The following IL1RAPL2 variants were observed in gnomAD, a reference collection of about 807,000 sequenced individuals.
The protein encoded by IL1RAPL2 is interleukin 1 receptor accessory protein like 2.
A neutral mutation model predicts 44.1 loss-of-function variants in IL1RAPL2; 3 were observed. That is an observed-to-expected ratio of 0.07 (90% CI 0.03 to 0.18). The LOEUF (loss-of-function observed/expected upper bound fraction) is 0.18. Ranked by LOEUF, IL1RAPL2 falls within the 10% of genes least tolerant of loss-of-function variation. IL1RAPL2 has a pLI of 1.00. For synonymous variants in IL1RAPL2, 181 were observed against 178.8 expected (o/e 1.01, Z -0.10); for missense variants, 391 against 496.4 (o/e 0.79, Z 2.02).
chrX:104,629,770 A>G (rs977541948), intron 1 of IL1RAPL2, among the ~76,000 whole-genome samples: 2 of 111,620 alleles, frequency 1.8e-5, no homozygotes, highest in Admixed American at 9.6e-5. Context: ...TCCCAGCACC[A>G]TATATTGAAG....
intron 2 of IL1RAPL2, among the ~76,000 whole-genome samples, chrX:105,024,531 A>G (rs1303504391): frequency 8.9e-6 from 1 of 111,733 alleles, no homozygotes; most frequent in Non-Finnish European, 1.9e-5. Context: ...AGAGGTTCAG[A>G]AACAGGTGAG....
rs994063171 is a variant in IL1RAPL2 at position 104,628,482 on chromosome X, C to T, written c.-19-30413C>T. Among the ~76,000 whole-genome samples the T allele has an allele frequency of 2.5e-4, 28 of 111,614 alleles. 1 individual carries two copies. Among genetic ancestry groups the T allele is most frequent in the Non-Finnish European group, 7.5e-5 (4 of 53,188 alleles). On this transcript the variant is annotated intron_variant, in intron 1 of 10. Transcript: ENST00000372582. ...GTGCCTGGCTTATTTAACTTAATGA[C>T]CTCACATTCCATCCATGTTGCTGCA...
intron 5 of IL1RAPL2, among the ~76,000 whole-genome samples, chrX:105,441,247 A>C (rs1190526147): frequency 8.9e-6 from 1 of 111,902 alleles, no homozygotes; most frequent in African/African-American, 3.3e-5. Context: ...AGAAGAAATG[A>C]TATTAACTAA....
intron 5 of IL1RAPL2, among the ~76,000 whole-genome samples, chrX:105,453,318 A>G (rs1157722978): frequency 1.8e-5 from 2 of 112,202 alleles, no homozygotes; most frequent in Non-Finnish European, 3.8e-5. Context: ...TTTTAGTCAT[A>G]TTCTCCCATG....
At chrX:105,221,419 A>G (rs868935331) in intron 3 of IL1RAPL2, among the ~76,000 whole-genome samples, 33 of 111,132 alleles carry the variant, frequency 3.0e-4, no homozygotes, top group Admixed American at 2.6e-3. Flanking sequence ...ACCAAAAAAA[A>G]AAAAAAAGAA....
Position 105,406,295 on chromosome X carries a change from C to G in IL1RAPL2, c.698-78018C>G. 3 of 1,036,472 alleles carry G rather than the reference C, an allele frequency of 2.9e-6. No homozygotes were observed. In the Admixed American group the frequency reaches 6.6e-5, roughly 23 times the overall value. The allele number at this position is 1,036,472 out of a possible 1,213,427, so 85.4% of individuals were successfully genotyped here. A position where few individuals can be genotyped will look rare whatever the true frequency, so the allele number is the denominator to read the frequency against. On this transcript the variant is annotated intron_variant, in intron 5 of 10. Coordinates refer to ENST00000372582, the MANE Select transcript of IL1RAPL2 (RefSeq NM_017416.2). ...TCATAGAGGCGCTTTCTTAATTGAC[C>G]GAAGTCCTGAGTACTTTGAACCCAT...
At chrX:105,166,432 A>G (rs370767026) in intron 2 of IL1RAPL2, among the ~76,000 whole-genome samples, 2 of 112,285 alleles carry the variant, frequency 1.8e-5, no homozygotes, top group East Asian at 5.6e-4. Context: ...AGCTTCATAT[A>G]CCTGCAAGAG....
intron 1 of IL1RAPL2, among the ~76,000 whole-genome samples, chrX:104,583,613 T>C: frequency 8.9e-6 from 1 of 112,279 alleles, no homozygotes; most frequent in East Asian, 2.8e-4. Flanking sequence ...TTTCATAGTA[T>C]CTATATATCA....
chrX:104,598,979 A>G (rs1928820660), intron 1 of IL1RAPL2, among the ~76,000 whole-genome samples: 2 of 112,393 alleles, frequency 1.8e-5, no homozygotes, highest in African/African-American at 6.5e-5. Flanking sequence ...GGCTGAGGTA[A>G]TAGTGAGTAA....
At chrX:105,088,612 GT>G (rs1272020403) in intron 2 of IL1RAPL2, among the ~76,000 whole-genome samples, 1 of 110,460 alleles carries the variant, frequency 9.1e-6, no homozygotes, top group Admixed American at 9.7e-5. Flanking sequence ...AATTGCTTTG[GT>G]TTTTTTCTAT....
Position 104,777,626 on chromosome X carries a change from G to T in IL1RAPL2, c.82+118631G>T, listed in dbSNP as rs193023708. Among the ~76,000 whole-genome samples the T allele has an allele frequency of 6.4e-3, 684 of 106,544 alleles. 3 individuals carry two copies. The highest frequency in any genetic ancestry group is 0.022 in the African/African-American group (651 of 29,310). 92.5% of individuals were successfully genotyped at this position (106,544 alleles called of 115,157 possible). A position where few individuals can be genotyped will look rare whatever the true frequency, so the allele number is the denominator to read the frequency against. ...GAGTCTCCCTCTGTCACCCAGGCTG[G>T]AATGCAGTAGTGTAATCTCACCTCA... On this transcript the variant is annotated intron_variant, in intron 2 of 10. Transcript: ENST00000372582.
At chrX:105,421,055 G>A (rs2035770582) in intron 5 of IL1RAPL2, among the ~76,000 whole-genome samples, 1 of 111,949 alleles carries the variant, frequency 8.9e-6, no homozygotes, top group Admixed American at 9.5e-5. Context: ...GCCTTAGCGT[G>A]TCCTGATGAC....
At chrX:104,912,540 T>TA (rs1157745814) in intron 2 of IL1RAPL2, among the ~76,000 whole-genome samples, 2 of 111,773 alleles carry the variant, frequency 1.8e-5, no homozygotes, top group Non-Finnish European at 3.8e-5. Context: ...TAGATATTGA[T>TA]ACTATATTAT....
intron 2 of IL1RAPL2, among the ~76,000 whole-genome samples, chrX:104,677,700 C>T (rs1001502123): frequency 2.7e-5 from 3 of 112,251 alleles, no homozygotes; most frequent in Non-Finnish European, 5.6e-5. Flanking sequence ...CCCAGCCTCG[C>T]TGCCGCCTTG....
intron 2 of IL1RAPL2, among the ~76,000 whole-genome samples, chrX:104,978,778 A>T (rs1330737560): frequency 8.9e-6 from 1 of 111,877 alleles, no homozygotes; most frequent in African/African-American, 3.2e-5. Flanking sequence ...TAGCAATATA[A>T]TCTTAGGAAA....
intron 5 of IL1RAPL2, among the ~76,000 whole-genome samples, chrX:105,357,728 A>G (rs1370063373): frequency 9.1e-6 from 1 of 110,370 alleles, no homozygotes; most frequent in Non-Finnish European, 1.9e-5. Context: ...TTGATAAACC[A>G]TATTTCAAAT....
chrX:105,366,668 G>T (rs2035297840), intron 5 of IL1RAPL2, among the ~76,000 whole-genome samples: 1 of 110,559 alleles, frequency 9.0e-6, no homozygotes, highest in Non-Finnish European at 1.9e-5. Flanking sequence ...TCCTTTTATT[G>T]ATTTCTAGTT....
intron 6 of IL1RAPL2, among the ~76,000 whole-genome samples, chrX:105,654,054 A>G (rs2037660655): frequency 9.0e-6 from 1 of 110,928 alleles, no homozygotes; most frequent in Admixed American, 9.5e-5. Context: ...AAAGTGCCCA[A>G]CTTGATCCAA....
intron 6 of IL1RAPL2, among the ~76,000 whole-genome samples, chrX:105,524,808 G>A (rs5916918): frequency 0.52 from 56,978 of 109,042 alleles, 11,787 homozygotes; most frequent in African/African-American, 0.76. Context: ...TGGCTATGTG[G>A]CCTTTGGCAA....
Sources: allele counts gnomAD v4.1 joint callset (sites outside exome capture counted in the v4.1 genomes callset), GRCh38; gene constraint gnomAD v4.1.1; transcripts MANE v1.5; gene names NCBI Gene and HGNC (gene_info 2026-07-23, HGNC 2026-07-21).